EXOC6: variants seen among roughly 807,000 people sequenced by gnomAD.
EXOC6 encodes exocyst complex component 6, also known as SEC15-like 1.
Under a neutral mutation model 112.5 loss-of-function variants are expected in EXOC6, and 60 were observed. The observed-to-expected ratio is 0.53, with a 90% CI of 0.43 to 0.66. The LOEUF is 0.66. Ranked by LOEUF, EXOC6 falls within the 30% of genes least tolerant of loss-of-function variation. The probability of loss-of-function intolerance (pLI) is 0.00; values close to 1 mark genes in which losing one functional copy is unlikely to be tolerated. For synonymous variants in EXOC6, 295 were observed against 308.0 expected (o/e 0.96, Z 0.44); for missense variants, 855 against 957.1 (o/e 0.89, Z 1.41).
chr10:92,892,085 T>C (rs990673470), intron 1 of EXOC6, among the ~76,000 whole-genome samples: 1 of 152,066 alleles, frequency 6.6e-6, no homozygotes, highest in African/African-American at 2.4e-5. Context: ...CCTCAAACAA[T>C]GGGCAACGGA....
At chr10:92,935,780 GTGTTT>G (rs770035486) in intron 11 of EXOC6, 29 bp from the exon 12 acceptor site, 5 of 1,406,864 alleles carry the variant, frequency 3.6e-6, no homozygotes, top group Non-Finnish European at 5.0e-6. Flanking sequence ...GTTGTTGTCG[GTGTTT>G]TGTTTTGTTT....
At chr10:92,870,154 A>C (rs1848379733) in intron 1 of EXOC6, among the ~76,000 whole-genome samples, 1 of 151,872 alleles carries the variant, frequency 6.6e-6, no homozygotes, top group East Asian at 1.9e-4. Flanking sequence ...GGGTTTCACC[A>C]TGTTGGCCAG....
intron 6 of EXOC6, among the ~76,000 whole-genome samples, chr10:92,910,938 A>ATATATGGAGTGAGTGG: frequency 2.1e-5 from 1 of 47,408 alleles, no homozygotes; most frequent in South Asian, 1.1e-3. Context: ...CAATAATAAT[A>ATATATGGAGTGAGTGG]ATAATTTGGG....
chr10:92,965,895 A>C (rs1000703458), intron 17 of EXOC6, among the ~76,000 whole-genome samples: 1 of 152,176 alleles, frequency 6.6e-6, no homozygotes, highest in Non-Finnish European at 1.5e-5. Context: ...TGTTGACTTT[A>C]ATCATATTCC....
chr10:93,001,404 C>T (rs1057045550), intron 19 of EXOC6, among the ~76,000 whole-genome samples: 1 of 152,150 alleles, frequency 6.6e-6, no homozygotes, highest in African/African-American at 2.4e-5. Flanking sequence ...CATTTCGATA[C>T]AATACATCAC....
chr10:93,046,582 A>C lies in EXOC6; in HGVS notation c.2170-10342A>C, dbSNP rs146753809. On this transcript the variant is annotated intron_variant, in intron 20 of 21. Coordinates refer to ENST00000260762, the MANE Select transcript of EXOC6 (RefSeq NM_019053.6). ...AGAGCTGAGGAATGAGGAGTGTCCT[A>C]GGGTAGTCATGGTTTCCTTTTTTTT... 3.8e-3 allele frequency among the ~76,000 whole-genome samples: 576 copies of C among 151,120 alleles called. 6 individuals carry two copies. Among genetic ancestry groups the C allele is most frequent in the African/African-American group, 0.013 (554 of 41,142 alleles).
At chr10:92,893,289 A>G in intron 1 of EXOC6, 60 bp from the exon 2 acceptor site, 1 of 1,257,138 alleles carries the variant, frequency 8.0e-7, no homozygotes. Context: ...ACCTCTTGCA[A>G]AGATCAGGCT....
At chr10:92,945,991 G>A (rs1182405551) in intron 13 of EXOC6, among the ~76,000 whole-genome samples, 1 of 152,134 alleles carries the variant, frequency 6.6e-6, no homozygotes, top group African/African-American at 2.4e-5. Flanking sequence ...AGGAGGCTAA[G>A]GTGTAAGAAT....
At chr10:93,050,759 C>CAAAAAAAAAAAAAAA (rs58439083) in intron 20 of EXOC6, among the ~76,000 whole-genome samples, 3,886 of 37,272 alleles carry the variant, frequency 0.1, 1,456 homozygotes, top group Admixed American at 0.15. Context: ...GACTCCGTCT[C>CAAAAAAAAAAAAAAA]AAAAAAAAAA....
At chr10:92,831,007 G>T (rs750495587), upstream of EXOC6, among the ~76,000 whole-genome samples, 16 of 152,202 alleles carry the variant, frequency 1.1e-4, no homozygotes, top group Non-Finnish European at 2.2e-4. Context: ...TTACTTTTGG[G>T]AGGAGAGCCT....
intron 20 of EXOC6, among the ~76,000 whole-genome samples, chr10:93,019,811 C>T (rs1020628828): frequency 3.9e-4 from 59 of 152,270 alleles, no homozygotes; most frequent in African/African-American, 1.3e-3. Flanking sequence ...GAAAATTTCA[C>T]CCAGTTCATA....
At chr10:93,034,978 C>G (rs11187248) in intron 20 of EXOC6, among the ~76,000 whole-genome samples, 2,083 of 152,316 alleles carry the variant, frequency 0.014, 50 homozygotes, top group African/African-American at 0.048. Flanking sequence ...CTTGTTCACA[C>G]AGCTCCTCCA....
intron 4 of EXOC6, among the ~76,000 whole-genome samples, chr10:92,897,316 G>C (rs144687547): frequency 7.2e-5 from 11 of 152,280 alleles, no homozygotes; most frequent in African/African-American, 2.2e-4. Flanking sequence ...AGAACTACCT[G>C]CTTTCCTCTA....
At chr10:93,006,276 T>A (rs1458894801) in intron 19 of EXOC6, among the ~76,000 whole-genome samples, 1 of 152,112 alleles carries the variant, frequency 6.6e-6, no homozygotes, top group Non-Finnish European at 1.5e-5. Flanking sequence ...CTGTGCCCCA[T>A]AATAAAAGTA....
At chr10:93,058,198 C>T (rs1450859903) in intron 21 of EXOC6, 25 bp from the exon 22 acceptor site, 1 of 1,584,414 alleles carries the variant, frequency 6.3e-7, no homozygotes, top group South Asian at 1.2e-5. Flanking sequence ...TTTTACCAAG[C>T]TTCTTCATTC....
chr10:92,979,748 A>G (rs1236382349), intron 18 of EXOC6, among the ~76,000 whole-genome samples: 1 of 151,760 alleles, frequency 6.6e-6, no homozygotes, highest in Non-Finnish European at 1.5e-5. Flanking sequence ...TGGGCGATAT[A>G]GTGAACCTCA....
chr10:93,039,261 T>C (rs986246724), intron 20 of EXOC6, among the ~76,000 whole-genome samples: 16 of 152,362 alleles, frequency 1.1e-4, no homozygotes, highest in African/African-American at 3.6e-4. Context: ...TTAGTACTCA[T>C]AGTTAAGTCA....
At chr10:93,056,450 T>A (rs1400065813) in intron 20 of EXOC6, among the ~76,000 whole-genome samples, 1 of 152,150 alleles carries the variant, frequency 6.6e-6, no homozygotes, top group Non-Finnish European at 1.5e-5. Context: ...AGCTTTTGGT[T>A]TAAATTACTT....
chr10:92,856,116 T>A (rs1847590127), intron 1 of EXOC6, among the ~76,000 whole-genome samples: 1 of 151,992 alleles, frequency 6.6e-6, no homozygotes, highest in African/African-American at 2.4e-5. Context: ...TGCCTGCCTT[T>A]GCCTCCAAAA....
Sources: gnomAD v4.1 joint callset for allele counts (sites outside exome capture counted in the v4.1 genomes callset) on GRCh38, gnomAD v4.1.1 for gene constraint, MANE v1.5 for transcripts, NCBI Gene and HGNC (gene_info 2026-07-23, HGNC 2026-07-21) for gene names.